The following PIWIL2 variants were observed in gnomAD, a reference collection of about 807,000 sequenced individuals.
The protein encoded by PIWIL2 is piwi like RNA-mediated gene silencing 2, also known as piwi-like protein 2.
Under a neutral mutation model 116.5 loss-of-function variants are expected in PIWIL2, and 81 were observed. The ratio of observed to expected loss-of-function variants is 0.70; its 90% CI spans 0.58 to 0.84. PIWIL2 has a LOEUF of 0.84. PIWIL2 is among the 40% of genes least tolerant of loss of function. The probability of loss-of-function intolerance (pLI) is 0.00; values close to 1 mark genes in which losing one functional copy is unlikely to be tolerated. For synonymous variants in PIWIL2, 489 were observed against 429.5 expected (o/e 1.14, Z -1.71); for missense variants, 1,272 against 1,212.3 (o/e 1.05, Z -0.73).
rs1832169346 is a variant in PIWIL2 at position 22,344,013 on chromosome 8, C to G, written c.2404-8946C>G. Among the ~76,000 whole-genome samples, 2 of 152,182 alleles carry G rather than the reference C, an allele frequency of 1.3e-5. 1 individual carries two copies. The highest frequency in any genetic ancestry group is 4.8e-5 in the African/African-American group (2 of 41,446). ...GTCCTTCAGTAGGTGAGTGGATAAA[C>G]TGTCATGCATCCAGACAATGGAATA... On this transcript the variant is annotated intron_variant, in intron 20 of 22. Coordinates refer to ENST00000356766, the MANE Select transcript of PIWIL2 (RefSeq NM_018068.5).
intron 7 of PIWIL2, 37 bp downstream of exon 7, chr8:22,287,682 C>G: frequency 7.9e-7 from 1 of 1,270,328 alleles, no homozygotes; most frequent in Non-Finnish European, 1.2e-6. Context: ...GAGATGAACC[C>G]TAAGAGTGCT....
chr8:22,346,051 A>G (rs1832220186), intron 20 of PIWIL2, among the ~76,000 whole-genome samples: 1 of 152,076 alleles, frequency 6.6e-6, no homozygotes, highest in African/African-American at 2.4e-5. Flanking sequence ...AAACCATTTA[A>G]TTGTATAGTT....
Position 22,304,057 on chromosome 8 carries a change from G to T in PIWIL2, c.1218G>T (p.Gln406His). The T allele has an allele frequency of 6.2e-7, 1 of 1,613,398 alleles. No homozygotes were observed. The highest frequency in any genetic ancestry group is 1.3e-5 in the African/African-American group (1 of 75,026). ...ATCAGCAGAATAAAGAACACTTCCA[G>T]GATGAGTGTACTAAGCTTCTGGTTG... is the stretch of plus-strand genomic sequence containing the variant. ...AIYQQNKEHFQDECTKLLVGN... is the reference protein window; with the variant it reads ...AIYQQNKEHFHDECTKLLVGN... The change falls in exon 11 of 23, where the codon CAG becomes CAT. Residue 406 changes from glutamine (Q) to histidine (H), a missense_variant. Coordinates refer to ENST00000356766, the MANE Select transcript of PIWIL2 (RefSeq NM_018068.5).
At chr8:22,308,196 A>AT in intron 14 of PIWIL2, 123 bp downstream of exon 14, 67 of 725,668 alleles carry the variant, frequency 9.2e-5, no homozygotes, top group Middle Eastern at 3.1e-4. Flanking sequence ...TATTTTTCTA[A>AT]GTTTTTTTTT....
chr8:22,320,302 A>G (rs1159531660), intron 20 of PIWIL2, among the ~76,000 whole-genome samples: 5 of 109,780 alleles, frequency 4.6e-5, no homozygotes, highest in Non-Finnish European at 6.9e-5. Flanking sequence ...CTCACTCTGT[A>G]ACCCAGGCTG....
intron 13 of PIWIL2, 23 bp downstream of exon 13, chr8:22,306,039 C>T (rs1226614449): frequency 7.9e-6 from 12 of 1,526,348 alleles, no homozygotes; most frequent in African/African-American, 2.7e-5. Flanking sequence ...TGTTTTCAGC[C>T]GGAAATGCCC....
intron 20 of PIWIL2, among the ~76,000 whole-genome samples, chr8:22,346,342 T>C (rs1297707587): frequency 1.3e-5 from 2 of 152,342 alleles, no homozygotes; most frequent in East Asian, 1.9e-4. Context: ...TTAGTTCCCG[T>C]GGTGGAATCA....
intron 10 of PIWIL2, among the ~76,000 whole-genome samples, chr8:22,303,355 A>T (rs775310947): frequency 6.6e-6 from 1 of 152,214 alleles, no homozygotes; most frequent in Admixed American, 6.5e-5. Flanking sequence ...ACTTTCTATG[A>T]TTTGATGAGT....
chr8:22,316,998 T>C (rs1341671333), intron 19 of PIWIL2, among the ~76,000 whole-genome samples: 1 of 152,116 alleles, frequency 6.6e-6, no homozygotes, highest in Non-Finnish European at 1.5e-5. Context: ...CAGGCTGGTC[T>C]CAAACTCCTG....
In PIWIL2 at chr8:22,304,177, T is replaced by C; in HGVS notation, c.1338T>C (p.Asp446=). The C allele has an allele frequency of 6.2e-7, 1 of 1,613,678 alleles. No homozygotes were observed. Among genetic ancestry groups the C allele is most frequent in the South Asian group, 1.1e-5 (1 of 90,996 alleles). The part of the protein sequence containing the change: ...KTPKDSFTMS[D]GKEITFLEYY... Reference sequence around the variant, plus strand: ...CAAAGGATAGCTTCACGATGTCTGATGGGAAAGAGATCACATTCTTGGAAT... The same window carrying C: ...CAAAGGATAGCTTCACGATGTCTGACGGGAAAGAGATCACATTCTTGGAAT... Residue 446 remains aspartate, a synonymous_variant, in exon 11 of 23, where the codon GAT becomes GAC. Coordinates refer to ENST00000356766, the MANE Select transcript of PIWIL2 (RefSeq NM_018068.5).
intron 11 of PIWIL2, 98 bp downstream of exon 11, chr8:22,304,307 C>A: frequency 1.4e-6 from 1 of 732,392 alleles, no homozygotes; most frequent in Non-Finnish European, 2.3e-6. Flanking sequence ...TACCACTTGA[C>A]ACTTTTCAAA....
At chr8:22,298,500 C>T (rs145132540) in intron 10 of PIWIL2, among the ~76,000 whole-genome samples, 30 of 152,288 alleles carry the variant, frequency 2.0e-4, no homozygotes, top group African/African-American at 6.7e-4. Context: ...CTTAATGAAA[C>T]TAGTCACACC....
At chr8:22,310,188 C>A in intron 15 of PIWIL2, 114 bp downstream of exon 15, 1 of 620,500 alleles carries the variant, frequency 1.6e-6, no homozygotes, top group Non-Finnish European at 2.9e-6. Context: ...AATTGAATCC[C>A]CATTCTGAAT....
chr8:22,282,508 T>C (rs1830533733), intron 4 of PIWIL2, among the ~76,000 whole-genome samples: 1 of 151,988 alleles, frequency 6.6e-6, no homozygotes. Context: ...TTTAATAACG[T>C]TGAGTCAAAC....
chr8:22,303,317 A>G (rs979619311), intron 10 of PIWIL2, among the ~76,000 whole-genome samples: 7 of 152,228 alleles, frequency 4.6e-5, no homozygotes, highest in African/African-American at 1.4e-4. Context: ...GCAGTTTTGT[A>G]CATGAGACTC....
intron 13 of PIWIL2, among the ~76,000 whole-genome samples, chr8:22,307,451 A>G (rs1261843355): frequency 6.7e-6 from 1 of 148,974 alleles, no homozygotes; most frequent in East Asian, 2.0e-4. Flanking sequence ...AGTCGATGAC[A>G]TTTGAAATTC....
At chr8:22,335,838 C>T (rs555901461) in intron 20 of PIWIL2, among the ~76,000 whole-genome samples, 3 of 152,108 alleles carry the variant, frequency 2.0e-5, no homozygotes, top group East Asian at 1.9e-4. Flanking sequence ...GGATTACAGG[C>T]GTGAGCCACT....
intron 10 of PIWIL2, among the ~76,000 whole-genome samples, chr8:22,297,036 T>TG (rs1318676583): frequency 6.6e-6 from 1 of 152,144 alleles, no homozygotes; most frequent in Non-Finnish European, 1.5e-5. Context: ...TTACCCCAGT[T>TG]GGAGTACAGT....
rs549549620 is a variant in PIWIL2 at position 22,346,774 on chromosome 8, T to TA, written c.2404-6184dup. On this transcript the variant is annotated intron_variant, in intron 20 of 22. Coordinates refer to ENST00000356766, the MANE Select transcript of PIWIL2 (RefSeq NM_018068.5). ...CTTAGAAATAACAATAAGCCAGGCA[T>TA]AGTGGTGCATGCCTGTAGGCGCAGC... 5.6e-4 allele frequency among the ~76,000 whole-genome samples: 85 copies of TA among 152,266 alleles called. No individual in the cohort carries two copies. The East Asian group carries it at 0.016, about 29-fold the overall frequency.
Sources: allele counts gnomAD v4.1 joint callset (sites outside exome capture counted in the v4.1 genomes callset), GRCh38; gene constraint gnomAD v4.1.1; transcripts MANE v1.5; gene names NCBI Gene and HGNC (gene_info 2026-07-23, HGNC 2026-07-21).